Variants in HYAL3 observed in about 807,000 individuals in gnomAD.
The protein encoded by HYAL3 is hyaluronidase 3, also known as hyaluronidase-3.
In HYAL3, 25 loss-of-function variants were observed where a neutral mutation model predicts 29.6. The ratio of observed to expected loss-of-function variants is 0.85; its 90% CI spans 0.62 to 1.18. HYAL3 has a LOEUF of 1.18. HYAL3 is among the 50% of genes most tolerant of loss of function. The probability of loss-of-function intolerance (pLI) is 0.00; values close to 1 mark genes in which losing one functional copy is unlikely to be tolerated. For synonymous variants in HYAL3, 215 were observed against 218.3 expected (o/e 0.99, Z 0.13); for missense variants, 442 against 548.4 (o/e 0.81, Z 1.94).
Position 50,295,276 on chromosome 3 carries a change from GGCA to G in HYAL3, c.324_326del (p.Ala109del). ...GTCTCAGGCTGTGGTGGATCTGGTA[GGCA>G]GCCAGTGCCAGGTGGCGGTCAAGGG... On this transcript the variant is annotated inframe_deletion, in exon 2 of 4. Coordinates refer to ENST00000336307, the MANE Select transcript of HYAL3 (RefSeq NM_003549.4). 6.2e-7 allele frequency: 1 copy of G among 1,614,066 alleles called. No individual in the cohort carries two copies. Among genetic ancestry groups the G allele is most frequent in the Non-Finnish European group, 8.5e-7 (1 of 1,180,028 alleles).
intron 1 of HYAL3, chr3:50,298,931 G>A (rs1701994639): frequency 3.6e-6 from 5 of 1,401,954 alleles, no homozygotes; most frequent in Non-Finnish European, 4.6e-6. Context: ...AACCCCTTCA[G>A]TGCCGACCCC....
At position 50,292,890 on chromosome 3, in the gene HYAL3, G is replaced by A. The variant is rs781922645; in HGVS notation, c.*356C>T. The A allele has an allele frequency of 4.0e-6, 6 of 1,493,730 alleles. No individual in the cohort carries two copies. Among genetic ancestry groups the A allele is most frequent in the Non-Finnish European group, 5.4e-6 (6 of 1,113,544 alleles). The allele number at this position is 1,493,730 out of a possible 1,614,324, so 92.5% of individuals were successfully genotyped here. On this transcript the variant is annotated 3_prime_UTR_variant, in exon 4 of 4. Coordinates refer to ENST00000336307, the MANE Select transcript of HYAL3 (RefSeq NM_003549.4). ...GCAGACAACAGCTTAGCACTTTACC[G>A]ACCTTCGCCAAGATTTTTTGGGGCC...
At chr3:50,295,901 G>A in intron 1 of HYAL3, 2 of 405,468 alleles carry the variant, frequency 4.9e-6, no homozygotes, top group Non-Finnish European at 8.9e-6. Context: ...ATACACCACT[G>A]TGTCCTCCCA....
chr3:50,296,360 G>A (rs1232711143), intron 1 of HYAL3: 5 of 552,352 alleles, frequency 9.1e-6, no homozygotes, highest in South Asian at 7.2e-5. Context: ...GAAGAGGTGA[G>A]AGGTGAGGGT....
intron 1 of HYAL3, 129 bp downstream of exon 1, chr3:50,299,084 G>C (rs782429147): frequency 8.1e-6 from 13 of 1,603,120 alleles, no homozygotes; most frequent in Non-Finnish European, 1.0e-5. Context: ...TCTGTGGGCA[G>C]GTGTGGCTCG....
chr3:50,298,193 C>T (rs1398015724), intron 1 of HYAL3: 2 of 734,314 alleles, frequency 2.7e-6, no homozygotes, highest in African/African-American at 3.9e-5. Context: ...TCCCTTTCTT[C>T]TCCCTATGTT....
Position 50,299,390 on chromosome 3 carries a change from G to C in HYAL3, c.-195C>G. 1 of 1,408,738 alleles carries C rather than the reference G, an allele frequency of 7.1e-7. No homozygotes were observed. The highest frequency in any genetic ancestry group is 9.6e-7 in the Non-Finnish European group (1 of 1,041,978). 87.3% of individuals were successfully genotyped at this position (1,408,738 alleles called of 1,614,324 possible). On this transcript the variant is annotated 5_prime_UTR_variant, in exon 1 of 4. Coordinates refer to ENST00000336307, the MANE Select transcript of HYAL3 (RefSeq NM_003549.4). ...GGCGTTCTAAGGCCTCCCAGCACCC[G>C]CGCGTCGCCGCTTAGAACCCGCCCC...
chr3:50,297,102 A>G lies in HYAL3; in HGVS notation c.-17-1483T>C, dbSNP rs1701882435. On this transcript the variant is annotated intron_variant, in intron 1 of 3. Coordinates refer to ENST00000336307, the MANE Select transcript of HYAL3 (RefSeq NM_003549.4). The surrounding 1 kb of genome is among the most constrained non-coding windows in gnomAD (Gnocchi z 4.3). ...CACCCGTGACAGGCGGGCATGGCCC[A>G]CCACAACGGGTGCTGCTTCAAGTGT... is the stretch of plus-strand genomic sequence containing the variant. The G allele has an allele frequency of 3.2e-6, 5 of 1,550,530 alleles. No individual in the cohort carries two copies. The East Asian group carries it at 9.1e-5, about 28-fold the overall frequency.
At position 50,293,140 on chromosome 3, in the gene HYAL3, G is replaced by A. The variant is rs782693162; in HGVS notation, c.*106C>T. On this transcript the variant is annotated 3_prime_UTR_variant, in exon 4 of 4. Transcript: ENST00000336307. ...TCCAAGGGAAGCGGGGTGTGTGCTT[G>A]GGAGGGTTGACTGTAAACTGAATAG... 5.3e-5 allele frequency: 82 copies of A among 1,548,934 alleles called. No individual in the cohort carries two copies. Among genetic ancestry groups the A allele is most frequent in the Non-Finnish European group, 6.6e-5 (74 of 1,123,782 alleles).
chr3:50,292,930 C>G lies in HYAL3; in HGVS notation c.*316G>C. The G allele has an allele frequency of 2.6e-6, 4 of 1,518,794 alleles. No homozygotes were observed. The highest frequency in any genetic ancestry group is 3.5e-6 in the Non-Finnish European group (4 of 1,129,380). The allele number at this position is 1,518,794 out of a possible 1,614,324, so 94.1% of individuals were successfully genotyped here. A position where few individuals can be genotyped will look rare whatever the true frequency, so the allele number is the denominator to read the frequency against. On this transcript the variant is annotated 3_prime_UTR_variant, in exon 4 of 4. Transcript: ENST00000336307. ...TTTTTGGGGCCCATCTGCCCGTGCA[C>G]GGCCCATCTGTGACCTCTCCATGGG...
In HYAL3 at chr3:50,295,042, C is replaced by T. The variant is rs1287220713; in HGVS notation, c.561G>A (p.Val187=). ...GTCCATGGGGCCGTAGTGCCTGGGC[C>T]ACCCGCAGCGTATCCTCCATCAGTG... ...ARALMEDTLR[V]AQALRPHGLW... is the part of the protein sequence containing the mutation. The change falls in exon 2 of 4, where the codon GTG becomes GTA. Residue 187 remains valine, a synonymous_variant. Coordinates refer to ENST00000336307, the MANE Select transcript of HYAL3 (RefSeq NM_003549.4). 2 of 1,613,314 alleles carry T rather than the reference C, an allele frequency of 1.2e-6. No homozygotes were observed. The highest frequency in any genetic ancestry group is 1.7e-5 in the Admixed American group (1 of 59,998).
At chr3:50,298,362 C>T (rs2109295865) in intron 1 of HYAL3, among the ~76,000 whole-genome samples, 1 of 152,220 alleles carries the variant, frequency 6.6e-6, no homozygotes, top group South Asian at 2.1e-4. Context: ...CAACTCTGCC[C>T]ATCTCAGGAC....
rs782239894 is a variant in HYAL3, at chr3:50,294,777, G to C, written c.826C>G (p.Arg276Gly). The change falls in exon 2 of 4, where the codon CGA (arginine) becomes GGA (glycine). Residue 276 changes from arginine to glycine, a missense_variant. Coordinates refer to ENST00000336307, the MANE Select transcript of HYAL3 (RefSeq NM_003549.4). ...EAFRVALVGH[R>G]HPLPVLAYVR... ...TAGGCCAGGACAGGCAGGGGATGTC[G>C]GTGCCCAACAAGGGCCACACGGAAG... The C allele has an allele frequency of 2.6e-6, 4 of 1,514,100 alleles. No homozygotes were observed. The African/African-American group carries it at 5.6e-5, about 21-fold the overall frequency. 93.8% of individuals were successfully genotyped at this position (1,514,100 alleles called of 1,614,324 possible).
Position 50,295,197 on chromosome 3 carries a change from C to A in HYAL3, c.406G>T (p.Ala136Ser). The A allele has an allele frequency of 6.2e-7, 1 of 1,613,454 alleles. No individual in the cohort carries two copies. Among genetic ancestry groups the A allele is most frequent in the Non-Finnish European group, 8.5e-7 (1 of 1,180,032 alleles). Residue 136 changes from alanine to serine, a missense_variant, in exon 2 of 4, where the codon GCT becomes TCT. Transcript: ENST00000336307. ...LDWEEWCPLW[A>S]GNWGRRRAYQ... Reference sequence around the variant, plus strand: ...GCTCGGCGGCGGCCCCAGTTCCCAGCCCAGAGTGGACACCACTCCTCCCAA... The same window carrying A: ...GCTCGGCGGCGGCCCCAGTTCCCAGACCAGAGTGGACACCACTCCTCCCAA...
In HYAL3 at chr3:50,293,052, A is replaced by C; in HGVS notation, c.*194T>G. 1 of 1,429,696 alleles carries C rather than the reference A, an allele frequency of 7.0e-7. No individual in the cohort carries two copies. Among genetic ancestry groups the C allele is most frequent in the South Asian group, 1.2e-5 (1 of 86,532 alleles). 88.6% of individuals were successfully genotyped at this position (1,429,696 alleles called of 1,614,324 possible). ...TGCTTCCTTGCCATGGAGGACTCAC[A>C]TGATCTCAGAGGGCCTCTGGTTTTA... On this transcript the variant is annotated 3_prime_UTR_variant, in exon 4 of 4. Transcript: ENST00000336307.
chr3:50,299,077 G>A (rs1559813423), intron 1 of HYAL3, 136 bp downstream of exon 1: 3 of 1,606,172 alleles, frequency 1.9e-6, no homozygotes, highest in East Asian at 2.2e-5. Context: ...GCTCGACTCT[G>A]TGGGCAGGTG....
Position 50,295,202 on chromosome 3 carries a change from A to T in HYAL3, c.401T>A (p.Leu134His). The T allele has an allele frequency of 2.5e-6, 4 of 1,613,478 alleles. No homozygotes were observed. Among genetic ancestry groups the T allele is most frequent in the Non-Finnish European group, 3.4e-6 (4 of 1,180,018 alleles). The change falls in exon 2 of 4, where the codon CTC becomes CAC. Residue 134 changes from leucine to histidine, a missense_variant. Transcript: ENST00000336307. ...GCGGCGGCCCCAGTTCCCAGCCCAG[A>T]GTGGACACCACTCCTCCCAATCCAG... ...AVLDWEEWCPLWAGNWGRRRA... is the reference protein window; with the variant it reads ...AVLDWEEWCPHWAGNWGRRRA...
rs139103508 is a variant in HYAL3, at chr3:50,297,745, G to T, written c.-18+1468C>A. 411 of 1,321,638 alleles carry T rather than the reference G, an allele frequency of 3.1e-4. No individual in the cohort carries two copies. In the African/African-American group the frequency reaches 5.5e-3, roughly 18 times the overall value. The allele number at this position is 1,321,638 out of a possible 1,614,324, so 81.9% of individuals were successfully genotyped here. A position where few individuals can be genotyped will look rare whatever the true frequency, so the allele number is the denominator to read the frequency against. Reference sequence around the variant, plus strand: ...TGGAGCAGGGAAGGGCTGACAGAGTGCAGGGGGGACCATGCATACTGGAAC... The same window carrying T: ...TGGAGCAGGGAAGGGCTGACAGAGTTCAGGGGGGACCATGCATACTGGAAC... On this transcript the variant is annotated intron_variant, in intron 1 of 3. Transcript: ENST00000336307. The surrounding 1 kb of genome is among the most constrained non-coding windows in gnomAD (Gnocchi z 4.3).
Position 50,293,660 on chromosome 3 carries a change from C to A in HYAL3, c.956G>T (p.Trp319Leu). The change falls in exon 3 of 4, where the codon TGG becomes TTG. Residue 319 changes from tryptophan (W) to leucine (L), a missense_variant. By Grantham distance (61) the Trp-to-Leu change is moderately conservative (BLOSUM62 -2). Coordinates refer to ENST00000336307, the MANE Select transcript of HYAL3 (RefSeq NM_003549.4). ...AALGAAGVVLWGDLSLSSSEE... is the reference protein window; with the variant it reads ...AALGAAGVVLLGDLSLSSSEE... ...AGAGCTGGAGAGGCTCAGGTCCCCC[C>A]AGAGCACCACGCCGGCTGCCCCTAG... The A allele has an allele frequency of 6.2e-7, 1 of 1,613,862 alleles. No individual in the cohort carries two copies. The highest frequency in any genetic ancestry group is 2.2e-5 in the East Asian group (1 of 44,894).
Sources: gnomAD v4.1 joint callset for allele counts (sites outside exome capture counted in the v4.1 genomes callset) on GRCh38, gnomAD v4.1.1 for gene constraint, Gnocchi (gnomAD v3.1) non-coding constraint, MANE v1.5 for transcripts, NCBI Gene and HGNC (gene_info 2026-07-23, HGNC 2026-07-21) for gene names.